ANKS1B: variants seen among roughly 807,000 people sequenced by gnomAD.
ANKS1B encodes ankyrin repeat and sterile alpha motif domain-containing protein 1B.
A neutral mutation model predicts 148.3 loss-of-function variants in ANKS1B; 36 were observed. That is an observed-to-expected ratio of 0.24 (90% CI 0.19 to 0.32). The LOEUF (loss-of-function observed/expected upper bound fraction) is 0.32. ANKS1B is among the 10% of genes least tolerant of loss of function. The pLI is 1.00. For missense variants in ANKS1B, 1,157 were observed against 1,542.6 expected (o/e 0.75, Z 4.19); for synonymous variants, 542 against 560.8 (o/e 0.97, Z 0.47).
At position 99,984,390 on chromosome 12, in the gene ANKS1B, A is replaced by C; in HGVS notation, c.-153T>G. 53 of 354,538 alleles carry C rather than the reference A, an allele frequency of 1.5e-4. No individual in the cohort carries two copies. The highest frequency in any genetic ancestry group is 4.4e-4 in the East Asian group (7 of 15,892). 22.0% of individuals were successfully genotyped at this position (354,538 alleles called of 1,614,324 possible). A position where few individuals can be genotyped will look rare whatever the true frequency, so the allele number is the denominator to read the frequency against. ...GAGCTCCCTGCAGCCCCAGGCAGGG[A>C]GCACGACTCTCTCCTCCTCTTCGGG... On this transcript the variant is annotated 5_prime_UTR_variant, in exon 1 of 27. Coordinates refer to ENST00000683438, the MANE Select transcript of ANKS1B (RefSeq NM_001352186.2).
chr12:99,079,114 T>C (rs78305716), intron 16 of ANKS1B, among the ~76,000 whole-genome samples: 2,223 of 152,276 alleles, frequency 0.015, 57 homozygotes, highest in African/African-American at 0.05. Flanking sequence ...TAGATCCTCT[T>C]GACTTGAGTC....
chr12:99,968,675 T>C (rs2095520585), intron 1 of ANKS1B, among the ~76,000 whole-genome samples: 1 of 152,210 alleles, frequency 6.6e-6, no homozygotes, highest in African/African-American at 2.4e-5. Flanking sequence ...TAGATGTTTG[T>C]TCCCTCCAAA....
chr12:99,480,184 T>C (rs1211742142), intron 10 of ANKS1B, among the ~76,000 whole-genome samples: 1 of 151,982 alleles, frequency 6.6e-6, no homozygotes, highest in African/African-American at 2.4e-5. Context: ...AAAATAATTA[T>C]ATTGATTTGT....
intron 9 of ANKS1B, among the ~76,000 whole-genome samples, chr12:99,583,651 T>C (rs1024538623): frequency 6.6e-6 from 1 of 152,348 alleles, no homozygotes; most frequent in Middle Eastern, 3.4e-3. Flanking sequence ...GTGCTTCTTT[T>C]TTTTCAATTA....
At chr12:99,923,858 G>A (rs1466107680) in intron 1 of ANKS1B, among the ~76,000 whole-genome samples, 1 of 152,040 alleles carries the variant, frequency 6.6e-6, no homozygotes, top group East Asian at 1.9e-4. Flanking sequence ...TTCTTAGCAG[G>A]ACCAGAACTA....
At chr12:99,614,592 C>T (rs2153354351) in intron 9 of ANKS1B, among the ~76,000 whole-genome samples, 1 of 151,828 alleles carries the variant, frequency 6.6e-6, no homozygotes, top group South Asian at 2.1e-4. Context: ...AGAGGATTTC[C>T]ACTTCCTTTC....
At chr12:99,153,804 C>A (rs2075557168) in intron 15 of ANKS1B, among the ~76,000 whole-genome samples, 1 of 152,086 alleles carries the variant, frequency 6.6e-6, no homozygotes, top group Non-Finnish European at 1.5e-5. Flanking sequence ...TGAAGGTTGT[C>A]CACATGATTT....
intron 12 of ANKS1B, among the ~76,000 whole-genome samples, chr12:99,305,842 C>T (rs2082266860): frequency 1.3e-5 from 2 of 152,180 alleles, no homozygotes; most frequent in African/African-American, 4.8e-5. Flanking sequence ...ATACAATATT[C>T]AGACTCCAGT....
intron 15 of ANKS1B, among the ~76,000 whole-genome samples, chr12:99,099,577 T>G (rs1566064685): frequency 6.6e-6 from 1 of 152,190 alleles, no homozygotes; most frequent in South Asian, 2.1e-4. Flanking sequence ...GCATTCTCCC[T>G]CCTTCTAACC....
intron 1 of ANKS1B, among the ~76,000 whole-genome samples, chr12:99,887,369 G>T (rs1034421845): frequency 1.3e-5 from 2 of 152,172 alleles, no homozygotes; most frequent in African/African-American, 4.8e-5. Flanking sequence ...AATACATGTT[G>T]AAATGACTAT....
intron 17 of ANKS1B, among the ~76,000 whole-genome samples, chr12:98,875,477 C>T (rs1291686128): frequency 6.6e-6 from 1 of 152,168 alleles, no homozygotes; most frequent in African/African-American, 2.4e-5. Context: ...GGCCTGAAGC[C>T]CTTCCAGTTC....
Position 99,594,941 on chromosome 12 carries a change from A to T in ANKS1B, c.1272+60126T>A, listed in dbSNP as rs2097743048. ...TAAAACTACAGAGTAAATAATCAGA[A>T]GAGTCAGGATTCAAATTCTAATCTT... is the stretch of plus-strand genomic sequence containing the variant. On this transcript the variant is annotated intron_variant, in intron 9 of 26. Coordinates refer to ENST00000683438, the MANE Select transcript of ANKS1B (RefSeq NM_001352186.2). Among the ~76,000 whole-genome samples, 3 of 152,038 alleles carry T rather than the reference A, an allele frequency of 2.0e-5. No individual in the cohort carries two copies. The South Asian group carries it at 6.2e-4, about 31-fold the overall frequency.
intron 4 of ANKS1B, among the ~76,000 whole-genome samples, chr12:99,785,647 G>A (rs1220889260): frequency 1.3e-5 from 2 of 152,078 alleles, no homozygotes; most frequent in Non-Finnish European, 1.5e-5. Flanking sequence ...TGACCAGGCT[G>A]GTCTTGAACT....
chr12:98,869,521 C>T (rs1395782608), intron 17 of ANKS1B, among the ~76,000 whole-genome samples: 1 of 152,110 alleles, frequency 6.6e-6, no homozygotes, highest in Non-Finnish European at 1.5e-5. Flanking sequence ...CACTTAATTC[C>T]TTTTTCTGGT....
At chr12:98,808,425 TC>T (rs1467829511) in intron 19 of ANKS1B, among the ~76,000 whole-genome samples, 1 of 152,200 alleles carries the variant, frequency 6.6e-6, no homozygotes. Flanking sequence ...CCTCCAGAGT[TC>T]TTACGGGCAA....
intron 12 of ANKS1B, among the ~76,000 whole-genome samples, chr12:99,312,370 G>A (rs1161405245): frequency 6.6e-6 from 1 of 152,146 alleles, no homozygotes; most frequent in Non-Finnish European, 1.5e-5. Flanking sequence ...GAATGGTGAG[G>A]TGGGAACAAG....
At chr12:99,541,401 T>C (rs181414516) in intron 9 of ANKS1B, among the ~76,000 whole-genome samples, 35 of 152,248 alleles carry the variant, frequency 2.3e-4, no homozygotes, top group African/African-American at 7.5e-4. Flanking sequence ...GCAAACTAAA[T>C]GCAACAACAT....
intron 12 of ANKS1B, among the ~76,000 whole-genome samples, chr12:99,397,581 C>T (rs1241130220): frequency 6.6e-6 from 1 of 152,050 alleles, no homozygotes; most frequent in Admixed American, 6.6e-5. Context: ...AACATGAACT[C>T]TAGTACCAGG....
chr12:99,451,575 C>T (rs921971711), intron 10 of ANKS1B, among the ~76,000 whole-genome samples: 6 of 152,016 alleles, frequency 3.9e-5, no homozygotes, highest in African/African-American at 1.4e-4. Context: ...GAAAGAGGCA[C>T]ATTTGTGGAA....
Sources: gnomAD v4.1 joint callset for allele counts (sites outside exome capture counted in the v4.1 genomes callset) on GRCh38, gnomAD v4.1.1 for gene constraint, MANE v1.5 for transcripts, NCBI Gene and HGNC (gene_info 2026-07-23, HGNC 2026-07-21) for gene names.